LARGE1: variants seen among roughly 807,000 people sequenced by gnomAD.
The protein encoded by LARGE1 is xylosyl- and glucuronyltransferase LARGE1.
Under a neutral mutation model 87.6 loss-of-function variants are expected in LARGE1, and 43 were observed. The observed-to-expected ratio is 0.49, with a 90% CI of 0.38 to 0.63. The LOEUF (loss-of-function observed/expected upper bound fraction) is 0.63, where lower values mean the gene tolerates loss of function less well. Ranked by LOEUF, LARGE1 falls within the 30% of genes least tolerant of loss-of-function variation. LARGE1 has a pLI of 0.00. For synonymous variants in LARGE1, 434 were observed against 394.6 expected (o/e 1.10, Z -1.18); for missense variants, 802 against 1,000.2 (o/e 0.80, Z 2.67).
intron 5 of LARGE1, among the ~76,000 whole-genome samples, chr22:33,588,407 G>A (rs961851641): frequency 6.6e-6 from 1 of 152,200 alleles, no homozygotes; most frequent in African/African-American, 2.4e-5. Flanking sequence ...GAAGAAAGAT[G>A]AGGAAGGGAG....
At chr22:33,244,652 A>G (rs890474119) in intron 11 of LARGE1, among the ~76,000 whole-genome samples, 5 of 152,240 alleles carry the variant, frequency 3.3e-5, no homozygotes, top group African/African-American at 7.2e-5. Context: ...GTAGGCAGTT[A>G]GAAATCAACT....
intron 10 of LARGE1, chr22:33,321,091 A>G (rs1936666656): frequency 6.6e-6 from 1 of 152,266 alleles, no homozygotes; most frequent in Non-Finnish European, 1.5e-5. Context: ...CTCAGCTGTA[A>G]AATGAGGACG....
intron 1 of LARGE1, among the ~76,000 whole-genome samples, chr22:33,848,776 G>T (rs2063503309): frequency 1.3e-5 from 2 of 152,242 alleles, no homozygotes; most frequent in Non-Finnish European, 2.9e-5. Context: ...CTGAGGCAGA[G>T]AGAGGGACCT....
At chr22:33,828,469 C>T (rs1338891586) in intron 1 of LARGE1, among the ~76,000 whole-genome samples, 3 of 152,246 alleles carry the variant, frequency 2.0e-5, no homozygotes, top group Non-Finnish European at 4.4e-5. Context: ...AGGTCATCAA[C>T]AGCACACAGC....
At chr22:33,766,381 T>G (rs1346342405) in intron 1 of LARGE1, among the ~76,000 whole-genome samples, 1 of 152,188 alleles carries the variant, frequency 6.6e-6, no homozygotes, top group Non-Finnish European at 1.5e-5. Context: ...CAATGAAATT[T>G]ACATTTATGA....
Position 33,432,206 on chromosome 22 carries a change from T to A in LARGE1, c.847A>T (p.Lys283Ter). The A allele has an allele frequency of 6.2e-7, 1 of 1,614,172 alleles. No homozygotes were observed. The change falls in exon 7 of 15, where the codon AAA becomes TAA. Residue 283 changes from lysine (K) to a stop codon, truncating the protein, a stop_gained. Coordinates refer to ENST00000397394, the MANE Select transcript of LARGE1 (RefSeq NM_133642.5). LOFTEE classifies it high-confidence loss of function. The part of the protein sequence containing the change: ...QSDWYLGNLW[K>*]NHRPWPALGR... ...AGGGCTGGCCATGGGCGGTGATTTT[T>A]CCACAGGTTTCCAAGGTACCAGTCA...
In LARGE1 at chr22:33,204,310, A is replaced by G. The variant is rs1271520042; in HGVS notation, c.1731-37478T>C. On this transcript the variant is annotated intron_variant, in intron 11 of 11. Coordinates refer to the LARGE1 transcript ENST00000608642. ...ATGTAATACTAGAATTAATATAATA[A>G]TGGTTATTATGTCAGAAGCACAAGA... 3.3e-5 allele frequency among the ~76,000 whole-genome samples: 5 copies of G among 152,200 alleles called. No individual in the cohort carries two copies. In the East Asian group the frequency reaches 9.6e-4, roughly 29 times the overall value.
chr22:33,129,607 A>C, the LARGE1 span, among the ~76,000 whole-genome samples: 1 of 152,334 alleles, frequency 6.6e-6, no homozygotes. Context: ...CACTGCTATG[A>C]AGAAATGCCC....
chr22:33,836,490 C>G (rs2063112100), intron 1 of LARGE1, among the ~76,000 whole-genome samples: 1 of 152,154 alleles, frequency 6.6e-6, no homozygotes, highest in Admixed American at 6.5e-5. Context: ...ACACCAAGAA[C>G]CCTGCAACTT....
intron 6 of LARGE1, among the ~76,000 whole-genome samples, chr22:33,485,080 T>G (rs891103539): frequency 6.7e-6 from 1 of 149,908 alleles, no homozygotes; most frequent in Non-Finnish European, 1.5e-5. Flanking sequence ...CCCGGCTAAT[T>G]TTTTGTATTT....
intron 5 of LARGE1, among the ~76,000 whole-genome samples, chr22:33,597,101 A>G (rs1462724662): frequency 6.6e-6 from 1 of 152,098 alleles, no homozygotes; most frequent in African/African-American, 2.4e-5. Context: ...GCCTTATGAG[A>G]GCATTTCGTC....
At chr22:33,237,733 G>T (rs1441287522) in intron 11 of LARGE1, among the ~76,000 whole-genome samples, 1 of 152,198 alleles carries the variant, frequency 6.6e-6, no homozygotes, top group Admixed American at 6.5e-5. Context: ...TCAGGCAGGT[G>T]TGGGTTCCAT....
At chr22:33,789,210 T>C (rs891791132) in intron 1 of LARGE1, among the ~76,000 whole-genome samples, 3 of 152,176 alleles carry the variant, frequency 2.0e-5, no homozygotes, top group African/African-American at 4.8e-5. Context: ...GGAGCCAACA[T>C]AGAGCTCAGG....
At position 33,763,646 on chromosome 22, in the gene LARGE1, G is replaced by A. The variant is rs1243760032; in HGVS notation, c.-82-2088C>T. On this transcript the variant is annotated intron_variant, in intron 1 of 14. Coordinates refer to ENST00000397394, the MANE Select transcript of LARGE1 (RefSeq NM_133642.5). Reference sequence around the variant, plus strand: ...GCTGCACTTGACTGGCTGTGACCTTGACCAAGTCCCCTGTCTCTGGATAAG... The same window carrying A: ...GCTGCACTTGACTGGCTGTGACCTTAACCAAGTCCCCTGTCTCTGGATAAG... Among the ~76,000 whole-genome samples, 4 of 152,054 alleles carry A rather than the reference G, an allele frequency of 2.6e-5. No individual in the cohort carries two copies. The South Asian group carries it at 8.3e-4, about 32-fold the overall frequency.
At chr22:33,695,196 C>G (rs1360540688) in intron 2 of LARGE1, among the ~76,000 whole-genome samples, 2 of 151,666 alleles carry the variant, frequency 1.3e-5, no homozygotes, top group African/African-American at 4.8e-5. Context: ...CTCTGCCTCC[C>G]GGGTTCAAGT....
intron 6 of LARGE1, among the ~76,000 whole-genome samples, chr22:33,524,948 T>C (rs1330484196): frequency 2.0e-5 from 3 of 152,184 alleles, no homozygotes; most frequent in African/African-American, 7.2e-5. Context: ...TTCCAGAGAA[T>C]TGTCTGAAAT....
chr22:33,179,488 GCTTT>G (rs1396007880), intron 11 of LARGE1, among the ~76,000 whole-genome samples: 1 of 152,186 alleles, frequency 6.6e-6, no homozygotes, highest in African/African-American at 2.4e-5. Context: ...GCTTCATGAT[GCTTT>G]CTGTGAGGCC....
intron 2 of LARGE1, chr22:33,750,691 A>G (rs2084282814): frequency 6.6e-6 from 1 of 152,172 alleles, no homozygotes; most frequent in East Asian, 1.9e-4. Context: ...ATCAAGCAGT[A>G]ATATTGTTTT....
At chr22:33,837,770 A>G (rs911944373) in intron 1 of LARGE1, among the ~76,000 whole-genome samples, 3 of 152,208 alleles carry the variant, frequency 2.0e-5, no homozygotes, top group Admixed American at 2.0e-4. Flanking sequence ...GCCCCAAATG[A>G]GCCTCAGGTG....
Sources: gnomAD v4.1 joint callset for allele counts (sites outside exome capture counted in the v4.1 genomes callset) on GRCh38, gnomAD v4.1.1 for gene constraint, MANE v1.5 for transcripts, NCBI Gene and HGNC (gene_info 2026-07-23, HGNC 2026-07-21) for gene names.